The following GRM5 variants were observed in gnomAD, a reference collection of about 807,000 sequenced individuals.
GRM5 encodes the protein glutamate metabotropic receptor 5.
Under a neutral mutation model 83.1 loss-of-function variants are expected in GRM5, and 19 were observed. The ratio of observed to expected loss-of-function variants is 0.23; its 90% CI spans 0.16 to 0.34. GRM5 has a LOEUF of 0.34. Among genes scored for constraint, GRM5 ranks in the 10% least tolerant of loss-of-function variants. GRM5 has a pLI of 1.00. For missense variants in GRM5, 1,160 were observed against 1,588.3 expected, an observed-to-expected ratio of 0.73 and a Z score of 4.58; for synonymous variants, 675 against 633.6, an observed-to-expected ratio of 1.07 and a Z score of -0.98.
chr11:88,901,737 AT>A (rs2135595972), intron 2 of GRM5, among the ~76,000 whole-genome samples: 1 of 152,292 alleles, frequency 6.6e-6, no homozygotes, highest in Admixed American at 6.5e-5. Context: ...CATTTGCTTG[AT>A]TGCTCTCAAC....
intron 6 of GRM5, among the ~76,000 whole-genome samples, chr11:88,593,413 C>T (rs980732996): frequency 3.3e-5 from 5 of 152,132 alleles, no homozygotes; most frequent in African/African-American, 1.2e-4. Flanking sequence ...TGCAGTGGCT[C>T]ATGCCTGTAA....
intron 3 of GRM5, among the ~76,000 whole-genome samples, chr11:88,669,292 G>C (rs1459225210): frequency 6.6e-6 from 1 of 152,052 alleles, no homozygotes; most frequent in Non-Finnish European, 1.5e-5. Flanking sequence ...ACATCATTCT[G>C]ATAAAATGAC....
intron 2 of GRM5, among the ~76,000 whole-genome samples, chr11:88,943,599 C>A (rs1285053641): frequency 1.3e-5 from 2 of 152,034 alleles, no homozygotes; most frequent in African/African-American, 4.8e-5. Context: ...ATGATGTACA[C>A]CAAGCTCCCA....
intron 2 of GRM5, among the ~76,000 whole-genome samples, chr11:88,947,464 A>T (rs1025113719): frequency 1.3e-5 from 2 of 152,184 alleles, no homozygotes; most frequent in African/African-American, 2.4e-5. Context: ...TGTTGTACTT[A>T]CAAATACACA....
chr11:88,571,404 C>T (rs184775756), intron 7 of GRM5, among the ~76,000 whole-genome samples: 4 of 151,952 alleles, frequency 2.6e-5, no homozygotes, highest in Non-Finnish European at 4.4e-5. Flanking sequence ...TAGTTTGATG[C>T]CTTCATTGCA....
At position 88,527,270 on chromosome 11, in the gene GRM5, C is replaced by G. The variant is rs191609165; in HGVS notation, c.2631-1866G>C. The stretch of plus-strand genomic sequence containing the variant: ...TCCTTAACATATTTTTGAATATCTT[C>G]TGTTAGGCTAATTGTGAATTAATCA... On this transcript the variant is annotated intron_variant, in intron 8 of 9. Transcript: ENST00000305447. Among the ~76,000 whole-genome samples the G allele has an allele frequency of 6.2e-4, 95 of 152,272 alleles. 1 individual carries two copies. The highest frequency in any genetic ancestry group is 2.2e-3 in the African/African-American group (91 of 41,568).
At chr11:88,834,989 C>T (rs1565253748) in intron 3 of GRM5, among the ~76,000 whole-genome samples, 1 of 152,118 alleles carries the variant, frequency 6.6e-6, no homozygotes, top group South Asian at 2.1e-4. Context: ...TTTTCCCCCC[C>T]TGCAGTTTCA....
chr11:88,603,990 C>A (rs1938073232), intron 5 of GRM5, among the ~76,000 whole-genome samples: 1 of 152,130 alleles, frequency 6.6e-6, no homozygotes, highest in South Asian at 2.1e-4. Flanking sequence ...CTCAAAATAT[C>A]ATTTCAATGG....
intron 2 of GRM5, among the ~76,000 whole-genome samples, chr11:89,011,144 T>G (rs552499868): frequency 3.0e-4 from 45 of 152,338 alleles, no homozygotes; most frequent in African/African-American, 1.0e-3. Context: ...GTAATTAATG[T>G]TCATAGTGCA....
At position 88,508,459 on chromosome 11, in the gene GRM5, G is replaced by C. The variant is rs1941240448; in HGVS notation, c.*133C>G. The C allele has an allele frequency of 6.6e-6, 4 of 603,860 alleles. No homozygotes were observed. The highest frequency in any genetic ancestry group is 1.1e-5 in the Non-Finnish European group (4 of 358,166). 37.4% of individuals were successfully genotyped at this position (603,860 alleles called of 1,614,324 possible). On this transcript the variant is annotated 3_prime_UTR_variant, in exon 10 of 10. Transcript: ENST00000305447. The surrounding 1 kb of genome is among the most constrained non-coding windows in gnomAD (Gnocchi z 4.2). Reference sequence around the variant, plus strand: ...GTCATGAGATAGCACTACTGATCTCGTGTTTCCATTAAGGGGTGCCCTTGG... The same window carrying C: ...GTCATGAGATAGCACTACTGATCTCCTGTTTCCATTAAGGGGTGCCCTTGG...
intron 4 of GRM5, among the ~76,000 whole-genome samples, chr11:88,641,868 T>C (rs528846703): frequency 6.6e-6 from 1 of 152,296 alleles, no homozygotes; most frequent in South Asian, 2.1e-4. Context: ...CTGTGACTTT[T>C]CCAAATGAAG....
At chr11:88,888,229 A>G (rs973821956) in intron 2 of GRM5, among the ~76,000 whole-genome samples, 8 of 152,176 alleles carry the variant, frequency 5.3e-5, no homozygotes, top group Admixed American at 2.0e-4. Flanking sequence ...AATTTAACTC[A>G]GGTATTTGAC....
intron 3 of GRM5, among the ~76,000 whole-genome samples, chr11:88,676,363 T>C (rs1388811370): frequency 6.6e-6 from 1 of 152,014 alleles, no homozygotes; most frequent in African/African-American, 2.4e-5. Flanking sequence ...GCCTATGCTA[T>C]CATTTGAGAT....
intron 3 of GRM5, among the ~76,000 whole-genome samples, chr11:88,681,807 G>T (rs553168170): frequency 6.6e-6 from 1 of 151,780 alleles, no homozygotes; most frequent in East Asian, 1.9e-4. Context: ...CTGACCTTAT[G>T]ATCCACCCAC....
At chr11:88,880,978 G>C (rs1944942598) in intron 2 of GRM5, among the ~76,000 whole-genome samples, 1 of 152,030 alleles carries the variant, frequency 6.6e-6, no homozygotes, top group African/African-American at 2.4e-5. Context: ...ACACAACACT[G>C]ACCCTAAATA....
At chr11:88,786,618 C>G (rs1246788420) in intron 3 of GRM5, among the ~76,000 whole-genome samples, 1 of 152,104 alleles carries the variant, frequency 6.6e-6, no homozygotes, top group Non-Finnish European at 1.5e-5. Flanking sequence ...TCCATAGGTA[C>G]CAACATGGCT....
At chr11:88,740,946 T>C (rs535122782) in intron 3 of GRM5, among the ~76,000 whole-genome samples, 67 of 152,224 alleles carry the variant, frequency 4.4e-4, no homozygotes, top group Admixed American at 9.8e-4. Context: ...GGTCCCATCA[T>C]AGCCCAAATG....
intron 9 of GRM5, among the ~76,000 whole-genome samples, chr11:88,524,214 C>CTTTTTTTTTTTTTTTT (rs71470770): frequency 1.2e-4 from 12 of 101,400 alleles, no homozygotes; most frequent in East Asian, 2.7e-4. Flanking sequence ...TTCTTTCTTT[C>CTTTTTTTTTTTTTTTT]TTTTTTTTTT....
intron 2 of GRM5, among the ~76,000 whole-genome samples, chr11:88,989,536 A>G (rs1333143506): frequency 7.4e-6 from 1 of 135,292 alleles, no homozygotes; most frequent in Admixed American, 7.7e-5. Flanking sequence ...AGAACTCTCC[A>G]TCCCAAATCA....
Sources: allele counts gnomAD v4.1 joint callset (sites outside exome capture counted in the v4.1 genomes callset), GRCh38; gene constraint gnomAD v4.1.1; non-coding constraint Gnocchi (gnomAD v3.1); transcripts MANE v1.5; gene names NCBI Gene and HGNC (gene_info 2026-07-23, HGNC 2026-07-21).